Variants in PCBP2 observed in about 807,000 individuals in gnomAD.
The protein encoded by PCBP2 is poly(rC)-binding protein 2.
PCBP2 carries 4 observed loss-of-function variants against 50.1 expected under a neutral mutation model. That is an observed-to-expected ratio of 0.08 (90% CI 0.04 to 0.18). PCBP2 has a LOEUF of 0.18. Ranked by LOEUF, PCBP2 falls within the 10% of genes least tolerant of loss-of-function variation. PCBP2 has a pLI of 1.00. For synonymous variants in PCBP2, 179 were observed against 168.0 expected (o/e 1.07, Z -0.51); for missense variants, 161 against 474.3 (o/e 0.34, Z 6.14).
In PCBP2 at chr12:53,479,671, G is replaced by GTTTTTTTTTTGTTTGT; in HGVS notation, c.*239_*240insGTTTGTTTTTTTTTTT. On this transcript the variant is annotated 3_prime_UTR_variant, in exon 15 of 15. Transcript: ENST00000546463. ...ATTTAGTTTTATAAGCTTCTCCCTGGTTTTTTTTTTTTGGCTCATGAATTT... is the reference window on the plus strand; with the variant it reads ...ATTTAGTTTTATAAGCTTCTCCCTGGTTTTTTTTTTGTTTGTTTTTTTTTTTTTGGCTCATGAATTT... 1.5e-5 allele frequency: 3 copies of GTTTTTTTTTTGTTTGT among 202,218 alleles called. No homozygotes were observed. The highest frequency in any genetic ancestry group is 2.8e-5 in the Non-Finnish European group (3 of 106,084). 12.5% of individuals were successfully genotyped at this position (202,218 alleles called of 1,614,324 possible). A position where few individuals can be genotyped will look rare whatever the true frequency, so the allele number is the denominator to read the frequency against.
chr12:53,459,653 A>ATT (rs144986654), intron 6 of PCBP2: 3 of 272,296 alleles, frequency 1.1e-5, no homozygotes, highest in African/African-American at 6.7e-5. Flanking sequence ...ACAAGTTTCT[A>ATT]TTTTTTTTTG....
chr12:53,455,563 T>C (rs1940942498), intron 4 of PCBP2, 70 bp downstream of exon 4: 1 of 1,523,498 alleles, frequency 6.6e-7, no homozygotes, highest in Admixed American at 1.7e-5. Flanking sequence ...GAAAATTCTT[T>C]TTCAGAAATT....
intron 14 of PCBP2, among the ~76,000 whole-genome samples, chr12:53,472,879 ATTTG>A (rs932694070): frequency 3.9e-5 from 6 of 151,984 alleles, no homozygotes; most frequent in African/African-American, 1.2e-4. Flanking sequence ...CCTTTCCTAG[ATTTG>A]TTTTCTTGTC....
chr12:53,452,838 C>G (rs1275513261), intron 1 of PCBP2: 1 of 152,126 alleles, frequency 6.6e-6, no homozygotes, highest in Admixed American at 6.5e-5. Flanking sequence ...TTTTTCCCCC[C>G]TCTTTCTAGT....
intron 14 of PCBP2, chr12:53,475,445 TTTCTC>T (rs1942516392): frequency 2.1e-5 from 6 of 289,810 alleles, no homozygotes; most frequent in South Asian, 1.2e-4. Context: ...GAGCCACAGT[TTTCTC>T]TTCTTTCTTG....
chr12:53,461,129 G>A lies in PCBP2; in HGVS notation c.490G>A (p.Val164Met). 1.2e-6 allele frequency: 2 copies of A among 1,613,982 alleles called. No homozygotes were observed. The highest frequency in any genetic ancestry group is 1.7e-6 in the Non-Finnish European group (2 of 1,179,926). ...CATTGAGTGTGTCAAACAGATCTGC[G>A]TGGTCATGTTGGAGGTAAGCCCTCA... Reference protein sequence around the residue: ...SIIECVKQICVVMLESPPKGV... With the variant: ...SIIECVKQICMVMLESPPKGV... The change falls in exon 7 of 15, where the codon GTG (valine) becomes ATG (methionine). Residue 164 changes from valine to methionine, a missense_variant. By Grantham distance (21) the Val-to-Met change is conservative. This residue lies in a region of PCBP2 where 20 missense variants were observed against 43.1 expected (regional missense o/e 0.46). Transcript: ENST00000546463.
At chr12:53,476,961 C>G (rs981279395) in intron 14 of PCBP2, among the ~76,000 whole-genome samples, 2 of 152,160 alleles carry the variant, frequency 1.3e-5, no homozygotes, top group African/African-American at 4.8e-5. Flanking sequence ...GGCTATTCCC[C>G]AAGGAAGGAT....
chr12:53,477,665 C>CAAAAAAAAAAAAA (rs61213286), intron 14 of PCBP2, among the ~76,000 whole-genome samples: 5 of 52,886 alleles, frequency 9.5e-5, no homozygotes, highest in East Asian at 9.8e-4. Flanking sequence ...GACTCTGTCT[C>CAAAAAAAAAAAAA]AAAAAAAAAA....
rs115860794 is a variant in PCBP2, at chr12:53,471,877, G to A, written c.1052+70G>A. The A allele has an allele frequency of 2.7e-3, 3,359 of 1,258,990 alleles. 64 individuals are homozygous for A. In the African/African-American group the frequency reaches 0.046, roughly 17 times the overall value. The allele number at this position is 1,258,990 out of a possible 1,614,324, so 78.0% of individuals were successfully genotyped here. On this transcript the variant is annotated intron_variant, in intron 14 of 14. Coordinates refer to ENST00000546463, the MANE Select transcript of PCBP2 (RefSeq NM_031989.5). ...TGTGTGTGTTGGGGAGAGCTGCAGT[G>A]TATTAAATATGGGATTACATGGGCG...
chr12:53,459,756 A>T, intron 6 of PCBP2: 1 of 314,380 alleles, frequency 3.2e-6, no homozygotes, highest in Non-Finnish European at 6.4e-6. Flanking sequence ...TTAATTTTTA[A>T]CTTTTTTTCT....
intron 1 of PCBP2, 134 bp from the exon 2 acceptor site, chr12:53,454,592 G>A (rs1300675766): frequency 5.3e-6 from 3 of 569,358 alleles, no homozygotes; most frequent in Non-Finnish European, 3.2e-6. Context: ...GTTGTGCTTG[G>A]TGTGTATATA....
intron 11 of PCBP2, 62 bp from the exon 12 acceptor site, chr12:53,467,743 A>G (rs1358351723): frequency 1.5e-6 from 2 of 1,325,914 alleles, no homozygotes; most frequent in Non-Finnish European, 2.2e-6. Flanking sequence ...TGTATAAGGA[A>G]TAACTTGTCC....
chr12:53,470,763 T>TC, intron 13 of PCBP2, among the ~76,000 whole-genome samples: 1 of 151,320 alleles, frequency 6.6e-6, no homozygotes, highest in Non-Finnish European at 1.5e-5. Context: ...CCAGTTTTTT[T>TC]TTTTTTTTTT....
Position 53,461,274 on chromosome 12 carries a change from C to A in PCBP2, c.504+131C>A, listed in dbSNP as rs886342787. On this transcript the variant is annotated intron_variant, in intron 7 of 14. Coordinates refer to ENST00000546463, the MANE Select transcript of PCBP2 (RefSeq NM_031989.5). ...CCAGTGGGGGTGGGGCTAAAAGGTTCCCTGAGTTCATATTTTCCTTCCCCT... is the reference window on the plus strand; with the variant it reads ...CCAGTGGGGGTGGGGCTAAAAGGTTACCTGAGTTCATATTTTCCTTCCCCT... The A allele has an allele frequency of 4.2e-6, 4 of 956,184 alleles. No individual in the cohort carries two copies. In the African/African-American group the frequency reaches 4.9e-5, roughly 12 times the overall value. 59.2% of individuals were successfully genotyped at this position (956,184 alleles called of 1,614,324 possible). A position where few individuals can be genotyped will look rare whatever the true frequency, so the allele number is the denominator to read the frequency against.
intron 14 of PCBP2, among the ~76,000 whole-genome samples, chr12:53,474,259 G>C (rs372869751): frequency 6.6e-6 from 1 of 152,124 alleles, no homozygotes. Flanking sequence ...CTACACTTCT[G>C]TTCTCAGCAT....
chr12:53,469,779 T>TTTTTA (rs749719952), intron 13 of PCBP2, among the ~76,000 whole-genome samples: 2 of 149,912 alleles, frequency 1.3e-5, no homozygotes, highest in Non-Finnish European at 3.0e-5. Context: ...TTTTTTTTTT[T>TTTTTA]GAGACGGCAT....
chr12:53,464,324 C>T (rs1315181736), intron 8 of PCBP2: 1 of 149,062 alleles, frequency 6.7e-6, no homozygotes, highest in Non-Finnish European at 1.5e-5. Context: ...CTCCCTCCCT[C>T]CCTCCCCTTT....
intron 8 of PCBP2, 123 bp downstream of exon 8, chr12:53,462,690 A>C: frequency 1.5e-6 from 1 of 662,072 alleles, no homozygotes; most frequent in Non-Finnish European, 2.4e-6. Context: ...CCATAGTTTG[A>C]CCGGCTTTTA....
intron 12 of PCBP2, chr12:53,468,561 A>G (rs905831374): frequency 9.1e-6 from 5 of 551,904 alleles, no homozygotes; most frequent in Non-Finnish European, 1.6e-5. Context: ...ATGGCATGAA[A>G]TCAGCTCTTC....
Sources: gnomAD v4.1 joint callset for allele counts (sites outside exome capture counted in the v4.1 genomes callset) on GRCh38, gnomAD v4.1.1 for gene constraint, gnomAD v4.1.1 regional missense constraint, MANE v1.5 for transcripts, NCBI Gene and HGNC (gene_info 2026-07-23, HGNC 2026-07-21) for gene names.